Variants in ARAP2 observed in about 807,000 individuals in gnomAD.
ARAP2 encodes ArfGAP with RhoGAP domain, ankyrin repeat and PH domain 2.
A neutral mutation model predicts 194.5 loss-of-function variants in ARAP2; 148 were observed. That is an observed-to-expected ratio of 0.76 (90% confidence interval 0.67 to 0.87). The LOEUF (loss-of-function observed/expected upper bound fraction) is 0.87, where lower values mean the gene tolerates loss of function less well. ARAP2 is among the 40% of genes least tolerant of loss of function. The probability of loss-of-function intolerance (pLI) is 0.00; values close to 1 mark genes in which losing one functional copy is unlikely to be tolerated. For synonymous variants in ARAP2, 695 were observed against 683.5 expected, an observed-to-expected ratio of 1.02 and a Z score of -0.26; for missense variants, 2,128 against 1,989.7, an observed-to-expected ratio of 1.07 and a Z score of -1.32.
chr4:36,139,302 C>T (rs1251012966), intron 19 of ARAP2, among the ~76,000 whole-genome samples: 6 of 151,460 alleles, frequency 4.0e-5, no homozygotes, highest in African/African-American at 1.5e-4. Flanking sequence ...GTGTTAAATT[C>T]ATTGGTATGA....
At chr4:36,161,146 AACACACAC>A (rs36207295) in intron 12 of ARAP2, among the ~76,000 whole-genome samples, 85,657 of 147,908 alleles carry the variant, frequency 0.58, 24,970 homozygotes, top group East Asian at 0.84. Context: ...CACACACACA[AACACACAC>A]ACACACACAC....
intron 30 of ARAP2, among the ~76,000 whole-genome samples, chr4:36,081,768 G>T (rs142379876): frequency 6.6e-6 from 1 of 151,326 alleles, no homozygotes; most frequent in Non-Finnish European, 1.5e-5. Context: ...CAAGGAAGAG[G>T]CAGATCTCGT....
At chr4:36,111,750 T>A (rs1352018918) in intron 26 of ARAP2, among the ~76,000 whole-genome samples, 2 of 151,966 alleles carry the variant, frequency 1.3e-5, no homozygotes, top group Non-Finnish European at 2.9e-5. Flanking sequence ...TTCAAAACAA[T>A]GTTTCTTGGT....
rs1178628351 is a variant in ARAP2 at position 36,066,834 on chromosome 4, C to T, written c.*1073G>A. 6.6e-6 allele frequency: 1 copy of T among 152,012 alleles called. No homozygotes were observed. The highest frequency in any genetic ancestry group is 1.9e-4 in the East Asian group (1 of 5,198). The allele number at this position is 152,012 out of a possible 1,614,324, so 9.4% of individuals were successfully genotyped here. ...CTAGATTAAATGTGACCAGGTAGCCCCCAAATGTATAGTAAACCACCAACT... is the reference window on the plus strand; with the variant it reads ...CTAGATTAAATGTGACCAGGTAGCCTCCAAATGTATAGTAAACCACCAACT... On this transcript the variant is annotated 3_prime_UTR_variant, in exon 33 of 33. Coordinates refer to ENST00000303965, the MANE Select transcript of ARAP2 (RefSeq NM_015230.4).
chr4:36,130,092 C>A (rs2109595509), intron 20 of ARAP2, among the ~76,000 whole-genome samples: 1 of 151,834 alleles, frequency 6.6e-6, no homozygotes. Flanking sequence ...ATCTCACTCT[C>A]AGAACTGCCC....
At chr4:36,243,232 C>T (rs1463059058) in intron 1 of ARAP2, among the ~76,000 whole-genome samples, 2 of 151,798 alleles carry the variant, frequency 1.3e-5, no homozygotes, top group African/African-American at 2.4e-5. Flanking sequence ...TAAATCAATA[C>T]TGAGCTTGTA....
intron 2 of ARAP2, among the ~76,000 whole-genome samples, chr4:36,225,653 C>A (rs1014281685): frequency 2.0e-5 from 3 of 152,058 alleles, no homozygotes; most frequent in African/African-American, 7.2e-5. Flanking sequence ...TTTAATAGAG[C>A]ATCAGTTCTA....
chr4:36,197,246 C>T (rs1743311517), intron 6 of ARAP2, among the ~76,000 whole-genome samples: 1 of 152,102 alleles, frequency 6.6e-6, no homozygotes, highest in African/African-American at 2.4e-5. Flanking sequence ...ACTTTGAGAT[C>T]CTTGAGTACA....
At chr4:36,162,568 T>TCATTAGA (rs1734343005) in intron 11 of ARAP2, among the ~76,000 whole-genome samples, 13 of 151,314 alleles carry the variant, frequency 8.6e-5, no homozygotes, top group Admixed American at 2.0e-4. Context: ...CAACGAATGT[T>TCATTAGA]CATTCCTTTC....
chr4:36,178,529 A>G (rs769044721), intron 8 of ARAP2, among the ~76,000 whole-genome samples: 7 of 152,114 alleles, frequency 4.6e-5, no homozygotes, highest in Non-Finnish European at 7.4e-5. Flanking sequence ...CACTCTCACC[A>G]CAGTAAATAA....
intron 5 of ARAP2, among the ~76,000 whole-genome samples, chr4:36,025,682 GAA>G (rs201201054): frequency 1.5e-5 from 2 of 134,088 alleles, no homozygotes; most frequent in Admixed American, 7.5e-5. Flanking sequence ...TTTGCAGAAA[GAA>G]AAAAAAAAAA....
intron 9 of ARAP2, among the ~76,000 whole-genome samples, chr4:36,012,246 CTT>C (rs1214149133): frequency 6.6e-6 from 1 of 152,124 alleles, no homozygotes; most frequent in East Asian, 1.9e-4. Context: ...AGTCTCATGA[CTT>C]TAAAACATTT....
chr4:36,214,508 T>A (rs762040558), intron 2 of ARAP2, 28 bp from the exon 3 acceptor site: 1 of 1,485,724 alleles, frequency 6.7e-7, no homozygotes, highest in Non-Finnish European at 9.2e-7. Flanking sequence ...AAAATACTTA[T>A]GAGTGAAAAT....
intron 6 of ARAP2, among the ~76,000 whole-genome samples, chr4:36,206,165 G>A (rs769696798): frequency 6.2e-4 from 94 of 152,318 alleles, no homozygotes; most frequent in Non-Finnish European, 4.9e-4. Flanking sequence ...GAGCCTTGGA[G>A]ACTGGATGGT....
At chr4:36,130,871 T>G (rs1204979526) in intron 20 of ARAP2, among the ~76,000 whole-genome samples, 2 of 151,944 alleles carry the variant, frequency 1.3e-5, no homozygotes, top group Non-Finnish European at 2.9e-5. Flanking sequence ...TATCCCCAGC[T>G]GAATGAATTT....
intron 31 of ARAP2, among the ~76,000 whole-genome samples, chr4:36,079,058 C>T (rs923555498): frequency 1.3e-5 from 2 of 150,768 alleles, no homozygotes; most frequent in Non-Finnish European, 2.9e-5. Flanking sequence ...CCTGTAATCC[C>T]AGATACTCAG....
chr4:36,191,443 T>C (rs991296744), intron 7 of ARAP2, among the ~76,000 whole-genome samples: 6 of 151,572 alleles, frequency 4.0e-5, no homozygotes, highest in Admixed American at 4.0e-4. Flanking sequence ...CCAGAGGTGA[T>C]CAAAATATAC....
intron 21 of ARAP2, among the ~76,000 whole-genome samples, chr4:36,126,474 A>T (rs893998164): frequency 6.6e-6 from 1 of 152,020 alleles, no homozygotes; most frequent in Non-Finnish European, 1.5e-5. Flanking sequence ...TCCTAGAAGA[A>T]CAGATCATAT....
rs116999859 is a variant in ARAP2 at position 36,047,106 on chromosome 4, G to A, written n.370-257C>T. On this transcript the variant is annotated intron_variant and non_coding_transcript_variant, in intron 3 of 12. Coordinates refer to the ARAP2 transcript ENST00000503225. ...TATAGATCTATAGGACATGACTTAC[G>A]TTGTGCTATGTCTTCATCTTCTGCA... is the stretch of plus-strand genomic sequence containing the variant. 23 of 152,260 alleles carry A rather than the reference G, an allele frequency of 1.5e-4. No homozygotes were observed. The East Asian group carries it at 3.9e-3, about 26-fold the overall frequency. 9.4% of individuals were successfully genotyped at this position (152,260 alleles called of 1,614,324 possible).
Sources: gnomAD v4.1 joint callset for allele counts (sites outside exome capture counted in the v4.1 genomes callset) on GRCh38, gnomAD v4.1.1 for gene constraint, MANE v1.5 for transcripts, NCBI Gene and HGNC (gene_info 2026-07-23, HGNC 2026-07-21) for gene names.